CNTN5: variants seen among roughly 807,000 people sequenced by gnomAD.
The protein encoded by CNTN5 is contactin 5.
In CNTN5, 77 loss-of-function variants were observed where a neutral mutation model predicts 129.1. The ratio of observed to expected loss-of-function variants is 0.60; its 90% CI spans 0.50 to 0.72. CNTN5 has a LOEUF of 0.72. CNTN5 is among the 30% of genes least tolerant of loss of function. The pLI is 0.00. For missense variants in CNTN5, 1,478 were observed against 1,328.8 expected (o/e 1.11, Z -1.75); for synonymous variants, 509 against 465.6 (o/e 1.09, Z -1.20).
chr11:99,916,262 C>G (rs1949787902), intron 7 of CNTN5, 113 bp downstream of exon 7: 1 of 734,660 alleles, frequency 1.4e-6, no homozygotes, highest in African/African-American at 1.7e-5. Context: ...GCATGGTTTT[C>G]TTGACATCTA....
At chr11:99,237,177 T>C (rs1861313726) in intron 1 of CNTN5, among the ~76,000 whole-genome samples, 1 of 152,080 alleles carries the variant, frequency 6.6e-6, no homozygotes, top group Admixed American at 6.5e-5. Context: ...AAAATATATA[T>C]CTACTCTTTT....
At chr11:99,128,031 A>G (rs1404503985) in intron 1 of CNTN5, among the ~76,000 whole-genome samples, 1 of 152,230 alleles carries the variant, frequency 6.6e-6, no homozygotes. Context: ...ATGGTTGATA[A>G]TCACTTTACA....
intron 13 of CNTN5, among the ~76,000 whole-genome samples, chr11:100,109,812 G>A (rs911436408): frequency 3.3e-5 from 5 of 152,120 alleles, no homozygotes; most frequent in East Asian, 1.9e-4. Flanking sequence ...TGGAATGTAA[G>A]GCATTCATTT....
In CNTN5 at chr11:99,762,639, A is replaced by C. The variant is rs558550784; in HGVS notation, c.56-56905A>C. Among the ~76,000 whole-genome samples, 40 of 152,228 alleles carry C rather than the reference A, an allele frequency of 2.6e-4. 2 individuals are homozygous for C. In the East Asian group the frequency reaches 7.2e-3, roughly 27 times the overall value. The stretch of plus-strand genomic sequence containing the variant: ...CATTGATCAATATCTCTGTTTTGGT[A>C]CCAGTACCATGCTGTTTTGGTTACT... On this transcript the variant is annotated intron_variant, in intron 3 of 24. Coordinates refer to ENST00000524871, the MANE Select transcript of CNTN5 (RefSeq NM_014361.4).
intron 21 of CNTN5, among the ~76,000 whole-genome samples, chr11:100,321,482 G>C (rs1179988403): frequency 6.6e-6 from 1 of 151,906 alleles, no homozygotes; most frequent in Non-Finnish European, 1.5e-5. Flanking sequence ...CTATATGTTA[G>C]ATTATGTCAC....
intron 2 of CNTN5, among the ~76,000 whole-genome samples, chr11:99,512,666 T>A (rs76019889): frequency 6.6e-6 from 1 of 152,168 alleles, no homozygotes; most frequent in Non-Finnish European, 1.5e-5. Flanking sequence ...ATTATTATTA[T>A]GCCTGTTACG....
At chr11:99,271,616 G>A (rs1011147276) in intron 1 of CNTN5, among the ~76,000 whole-genome samples, 1 of 151,814 alleles carries the variant, frequency 6.6e-6, no homozygotes, top group African/African-American at 2.4e-5. Context: ...CTGGCAAGAG[G>A]TTTTCCATGC....
At chr11:100,017,389 A>G (rs1164750929) in intron 9 of CNTN5, among the ~76,000 whole-genome samples, 1 of 152,046 alleles carries the variant, frequency 6.6e-6, no homozygotes, top group African/African-American at 2.4e-5. Flanking sequence ...TCTGAAATCC[A>G]GATGTATATT....
At chr11:100,130,318 A>G (rs1946333910) in intron 13 of CNTN5, among the ~76,000 whole-genome samples, 1 of 152,160 alleles carries the variant, frequency 6.6e-6, no homozygotes, top group South Asian at 2.1e-4. Context: ...CATGTGCTAG[A>G]CGCTATGTTA....
chr11:99,986,360 G>A (rs183090165), intron 8 of CNTN5, among the ~76,000 whole-genome samples: 7 of 152,114 alleles, frequency 4.6e-5, no homozygotes, highest in Admixed American at 2.0e-4. Flanking sequence ...TTTGAACACC[G>A]ATTTTGCCTT....
intron 7 of CNTN5, among the ~76,000 whole-genome samples, chr11:99,948,323 G>T (rs575774072): frequency 1.3e-5 from 2 of 152,124 alleles, no homozygotes; most frequent in African/African-American, 2.4e-5. Flanking sequence ...CCCCGTGCTG[G>T]TATTTTATAG....
intron 1 of CNTN5, among the ~76,000 whole-genome samples, chr11:99,211,613 C>A (rs1338314743): frequency 6.7e-6 from 1 of 150,302 alleles, no homozygotes; most frequent in African/African-American, 2.4e-5. Flanking sequence ...CAAGTTTCTT[C>A]TCTTTTTTTA....
intron 1 of CNTN5, among the ~76,000 whole-genome samples, chr11:99,211,067 A>G (rs1165938799): frequency 2.0e-5 from 3 of 152,154 alleles, no homozygotes; most frequent in Non-Finnish European, 4.4e-5. Context: ...CATCACTGTC[A>G]CCTAAAGCTC....
intron 2 of CNTN5, among the ~76,000 whole-genome samples, chr11:99,466,698 T>C (rs532648116): frequency 6.6e-6 from 1 of 152,314 alleles, no homozygotes; most frequent in African/African-American, 2.4e-5. Flanking sequence ...TTTAGGGCTC[T>C]GTTCCAGTCA....
chr11:100,044,639 G>A (rs933055494), intron 9 of CNTN5, among the ~76,000 whole-genome samples: 4 of 151,116 alleles, frequency 2.6e-5, no homozygotes, highest in Non-Finnish European at 5.9e-5. Context: ...TTTGAAAAAT[G>A]TCTATGCATA....
chr11:99,286,099 T>C (rs1421973783), intron 1 of CNTN5, among the ~76,000 whole-genome samples: 2 of 151,394 alleles, frequency 1.3e-5, no homozygotes, highest in Middle Eastern at 3.2e-3. Context: ...TATTTTTCCA[T>C]TTACTTTCAA....
At chr11:99,218,960 A>G (rs1214532795) in intron 1 of CNTN5, among the ~76,000 whole-genome samples, 1 of 152,072 alleles carries the variant, frequency 6.6e-6, no homozygotes, top group Non-Finnish European at 1.5e-5. Flanking sequence ...GGAAATCAGT[A>G]CAAAAAGATA....
chr11:100,032,091 T>G (rs921500827), intron 9 of CNTN5, among the ~76,000 whole-genome samples: 4 of 152,162 alleles, frequency 2.6e-5, no homozygotes, highest in Non-Finnish European at 5.9e-5. Flanking sequence ...AACCATATAC[T>G]CTATTCAACT....
At chr11:99,072,562 A>T (rs1865383229) in intron 1 of CNTN5, among the ~76,000 whole-genome samples, 1 of 152,100 alleles carries the variant, frequency 6.6e-6, no homozygotes, top group Admixed American at 6.6e-5. Flanking sequence ...GTTGTACCTT[A>T]AATTGTTTCC....
Sources: gnomAD v4.1 joint callset for allele counts (sites outside exome capture counted in the v4.1 genomes callset) on GRCh38, gnomAD v4.1.1 for gene constraint, MANE v1.5 for transcripts, NCBI Gene and HGNC (gene_info 2026-07-23, HGNC 2026-07-21) for gene names.